ERG: variants seen among roughly 807,000 people sequenced by gnomAD.
ERG encodes the protein transcriptional regulator ERG.
A neutral mutation model predicts 55.3 loss-of-function variants in ERG; 9 were observed. The ratio of observed to expected loss-of-function variants is 0.16; its 90% confidence interval spans 0.10 to 0.28. ERG has a LOEUF of 0.28. ERG is among the 10% of genes least tolerant of loss of function. ERG has a pLI of 1.00. For synonymous variants in ERG, 223 were observed against 237.3 expected, an observed-to-expected ratio of 0.94 and a Z score of 0.55; for missense variants, 434 against 631.6, an observed-to-expected ratio of 0.69 and a Z score of 3.35.
intron 1 of ERG, among the ~76,000 whole-genome samples, chr21:38,473,404 C>A (rs2059158205): frequency 6.7e-6 from 1 of 150,090 alleles, no homozygotes; most frequent in Admixed American, 6.6e-5. Context: ...TTAATATGAC[C>A]TTGCATTCAA....
rs564177550 is a variant in ERG, at chr21:38,541,822, G to A, written c.-41+33840C>T. Among the ~76,000 whole-genome samples the A allele has an allele frequency of 8.0e-4, 122 of 152,290 alleles. 1 individual carries two copies. The highest frequency in any genetic ancestry group is 2.8e-3 in the African/African-American group (116 of 41,568). ...TAATGCATGTGTGGCCTAATATCTA[G>A]GTGATGGGTTGATAGGTGCAGGGAA... On this transcript the variant is annotated intron_variant, in intron 2 of 8. Coordinates refer to the ERG transcript ENST00000398897.
intron 2 of ERG, among the ~76,000 whole-genome samples, chr21:38,573,872 T>C (rs1300907954): frequency 2.6e-5 from 4 of 152,168 alleles, no homozygotes; most frequent in Non-Finnish European, 5.9e-5. Context: ...GAGGGGAAGG[T>C]CACCCCTTCA....
upstream of ERG, among the ~76,000 whole-genome samples, chr21:38,585,532 C>CTTCT (rs777496862): frequency 8.4e-5 from 5 of 59,270 alleles, no homozygotes; most frequent in Non-Finnish European, 1.3e-4. Flanking sequence ...TCTCTCTCTT[C>CTTCT]TTTTTTTTTT....
intron 2 of ERG, among the ~76,000 whole-genome samples, chr21:38,521,470 T>A (rs973739047): frequency 6.6e-6 from 1 of 152,108 alleles, no homozygotes; most frequent in Non-Finnish European, 1.5e-5. Context: ...ATGTGGGGGT[T>A]ACTCTAGGAC....
chr21:38,403,178 G>A (rs939451468), intron 4 of ERG, among the ~76,000 whole-genome samples: 1 of 152,186 alleles, frequency 6.6e-6, no homozygotes, highest in Non-Finnish European at 1.5e-5. Flanking sequence ...GGGGTATCAT[G>A]GAGACTTAAC....
At chr21:38,437,303 C>A (rs1397084926) in intron 2 of ERG, among the ~76,000 whole-genome samples, 9 of 152,104 alleles carry the variant, frequency 5.9e-5, no homozygotes. Flanking sequence ...GACACTAGTG[C>A]CACTCGGAGC....
intron 5 of ERG, among the ~76,000 whole-genome samples, chr21:38,401,667 C>T (rs1439495621): frequency 5.9e-5 from 9 of 152,130 alleles, no homozygotes; most frequent in South Asian, 2.1e-4. Flanking sequence ...TGGCACTTCC[C>T]GTCTCCCTCC....
At chr21:38,520,589 G>A (rs1204358724) in intron 2 of ERG, among the ~76,000 whole-genome samples, 2 of 152,190 alleles carry the variant, frequency 1.3e-5, no homozygotes, top group East Asian at 3.9e-4. Context: ...TGAAGGTTTT[G>A]TGTACAGAAA....
chr21:38,474,753 G>A (rs1463608670), intron 1 of ERG, among the ~76,000 whole-genome samples: 1 of 148,852 alleles, frequency 6.7e-6, no homozygotes, highest in African/African-American at 2.5e-5. Context: ...TTGTCTGTTC[G>A]TTATTTTTTG....
intron 2 of ERG, among the ~76,000 whole-genome samples, chr21:38,570,879 C>T (rs1568921031): frequency 3.3e-5 from 5 of 152,130 alleles, no homozygotes; most frequent in Admixed American, 1.3e-4. Flanking sequence ...CTCATTCCAT[C>T]GGCTCCAAAA....
At chr21:38,404,486 A>G (rs1160335370) in intron 3 of ERG, among the ~76,000 whole-genome samples, 1 of 152,192 alleles carries the variant, frequency 6.6e-6, no homozygotes, top group Non-Finnish European at 1.5e-5. Context: ...GAGAAGGAGC[A>G]GGTGATCTCC....
intron 1 of ERG, among the ~76,000 whole-genome samples, chr21:38,622,360 G>A (rs2060295961): frequency 6.6e-6 from 1 of 151,708 alleles, no homozygotes; most frequent in Non-Finnish European, 1.5e-5. Context: ...ACATCAGTAG[G>A]TAACACACAC....
chr21:38,451,907 CA>C (rs1462851015), intron 1 of ERG, among the ~76,000 whole-genome samples: 3 of 152,198 alleles, frequency 2.0e-5, no homozygotes, highest in African/African-American at 7.2e-5. Context: ...AGAAGCTTCA[CA>C]AAGCTGGGTA....
intron 1 of ERG, among the ~76,000 whole-genome samples, chr21:38,576,760 T>G (rs1278926675): frequency 6.6e-6 from 1 of 151,928 alleles, no homozygotes; most frequent in African/African-American, 2.4e-5. Flanking sequence ...AGAGCAGGGG[T>G]GAGAGGAGAG....
In ERG at chr21:38,575,770, T is replaced by C. The variant is rs2059991119; in HGVS notation, c.-126-23A>G. The stretch of plus-strand genomic sequence containing the variant: ...CGGCTAGAAGACAAAAGGAACAACA[T>C]ACATAATAATAAACAACTGCATTTC... On this transcript the variant is annotated intron_variant, in intron 1 of 8. Transcript: ENST00000398897. 2.2e-5 allele frequency: 34 copies of C among 1,555,348 alleles called. No homozygotes were observed. In the South Asian group the frequency reaches 3.2e-4, roughly 15 times the overall value.
chr21:38,559,923 T>C (rs2059882730), intron 2 of ERG, among the ~76,000 whole-genome samples: 1 of 152,204 alleles, frequency 6.6e-6, no homozygotes, highest in Non-Finnish European at 1.5e-5. Context: ...CCTCAGGTGA[T>C]CCACCCACCT....
chr21:38,450,929 G>T (rs1241427682), intron 1 of ERG: 1 of 455,750 alleles, frequency 2.2e-6, no homozygotes, highest in African/African-American at 2.0e-5. Context: ...CAGAAAGTGC[G>T]ATTAGAGAAG....
chr21:38,430,377 T>A (rs569883607), intron 2 of ERG, among the ~76,000 whole-genome samples: 1 of 152,384 alleles, frequency 6.6e-6, no homozygotes, highest in South Asian at 2.1e-4. Context: ...TGTTTGCTGA[T>A]TATTTCTTTT....
intron 1 of ERG, among the ~76,000 whole-genome samples, chr21:38,605,405 T>G (rs1281835493): frequency 6.6e-6 from 1 of 152,172 alleles, no homozygotes; most frequent in African/African-American, 2.4e-5. Context: ...CAATCAGGCC[T>G]TATTCCAATT....
Sources: gnomAD v4.1 joint callset for allele counts (sites outside exome capture counted in the v4.1 genomes callset) on GRCh38, gnomAD v4.1.1 for gene constraint, MANE v1.5 for transcripts, NCBI Gene and HGNC (gene_info 2026-07-23, HGNC 2026-07-21) for gene names.